The following VEPH1 variants were observed in gnomAD, a reference collection of about 807,000 sequenced individuals.
The protein encoded by VEPH1 is ventricular zone expressed PH domain containing 1, also known as ventricular zone-expressed PH domain-containing protein homolog 1.
A neutral mutation model predicts 85.2 loss-of-function variants in VEPH1; 80 were observed. The observed-to-expected ratio is 0.94, with a 90% CI of 0.78 to 1.13. The LOEUF is 1.13. VEPH1 is among the 50% of genes most tolerant of loss of function. The pLI is 0.00. For missense variants in VEPH1, 955 were observed against 980.5 expected (o/e 0.97, Z 0.35); for synonymous variants, 297 against 348.0 (o/e 0.85, Z 1.63).
intron 11 of VEPH1, among the ~76,000 whole-genome samples, chr3:157,299,037 A>G (rs1267128376): frequency 1.3e-5 from 2 of 152,056 alleles, no homozygotes; most frequent in Non-Finnish European, 2.9e-5. Flanking sequence ...GTGCATGACT[A>G]CTCGCATTTT....
intron 6 of VEPH1, among the ~76,000 whole-genome samples, chr3:157,386,621 C>A (rs1433057088): frequency 2.0e-5 from 3 of 152,194 alleles, no homozygotes; most frequent in African/African-American, 7.2e-5. Flanking sequence ...GGGTAGAGGC[C>A]AAACACCCCA....
chr3:157,308,356 T>C (rs1719741577), intron 11 of VEPH1, among the ~76,000 whole-genome samples: 1 of 151,988 alleles, frequency 6.6e-6, no homozygotes, highest in Non-Finnish European at 1.5e-5. Context: ...AGGGTTTTGA[T>C]ATCATTCTCT....
intron 2 of VEPH1, among the ~76,000 whole-genome samples, chr3:157,487,659 TAAAACTACTTTA>T (rs1478840355): frequency 6.6e-6 from 1 of 152,152 alleles, no homozygotes; most frequent in Non-Finnish European, 1.5e-5. Flanking sequence ...AGCATAGTTC[TAAAACTACTTTA>T]AAAATAGCAA....
chr3:157,371,733 G>A (rs1727510048), intron 7 of VEPH1, among the ~76,000 whole-genome samples: 2 of 152,316 alleles, frequency 1.3e-5, no homozygotes, highest in African/African-American at 4.8e-5. Flanking sequence ...CTGTAGTAAG[G>A]TAAGACTTAA....
Position 157,413,896 on chromosome 3 carries a change from A to G in VEPH1, c.891T>C (p.Val297=), listed in dbSNP as rs1237385056. The part of the protein sequence containing the change: ...TGQMARIYGA[V]GHVDEERARS... ...CCAAACTTACTTCATCCACATGCCC[A>G]ACAGCTCCATAAATCCTTGCCATCT... Residue 297 remains valine, a synonymous_variant, in exon 6 of 14, where the codon GTT becomes GTC. Transcript: ENST00000362010. 6.2e-7 allele frequency: 1 copy of G among 1,613,370 alleles called. No homozygotes were observed. The highest frequency in any genetic ancestry group is 8.5e-7 in the Non-Finnish European group (1 of 1,179,612).
At chr3:157,354,362 C>T (rs1489593836) in intron 9 of VEPH1, among the ~76,000 whole-genome samples, 3 of 152,158 alleles carry the variant, frequency 2.0e-5, no homozygotes, top group Non-Finnish European at 4.4e-5. Context: ...CTGTCTCATC[C>T]ATCCATTGGG....
At chr3:157,369,117 C>A in intron 7 of VEPH1, among the ~76,000 whole-genome samples, 1 of 139,406 alleles carries the variant, frequency 7.2e-6, no homozygotes, top group East Asian at 2.2e-4. Flanking sequence ...TAAACAACAA[C>A]AACCACCACA....
chr3:157,354,523 C>A (rs1725214872), intron 9 of VEPH1, among the ~76,000 whole-genome samples: 1 of 152,068 alleles, frequency 6.6e-6, no homozygotes, highest in Non-Finnish European at 1.5e-5. Flanking sequence ...TTTACTGTTC[C>A]GTCCTTGCTG....
At chr3:157,282,969 A>G (rs1716333110) in intron 12 of VEPH1, among the ~76,000 whole-genome samples, 1 of 152,236 alleles carries the variant, frequency 6.6e-6, no homozygotes, top group South Asian at 2.1e-4. Context: ...TAAAATGATT[A>G]TCAGAAAATG....
intron 2 of VEPH1, among the ~76,000 whole-genome samples, chr3:157,479,392 G>T (rs1241744485): frequency 6.6e-6 from 1 of 152,134 alleles, no homozygotes; most frequent in Non-Finnish European, 1.5e-5. Context: ...GCTGCTCCAG[G>T]CTTGTTTATC....
At chr3:157,406,032 C>T (rs954075977) in intron 6 of VEPH1, among the ~76,000 whole-genome samples, 2 of 152,130 alleles carry the variant, frequency 1.3e-5, no homozygotes, top group Admixed American at 6.6e-5. Flanking sequence ...TTTCCTTATA[C>T]TTTGTAAGAG....
chr3:157,489,357 G>T, intron 2 of VEPH1: 2 of 347,616 alleles, frequency 5.8e-6, no homozygotes, highest in South Asian at 4.5e-5. Context: ...GTACTTAATG[G>T]TCCTTCTGCC....
chr3:157,411,279 T>C (rs1731512842), intron 6 of VEPH1, among the ~76,000 whole-genome samples: 1 of 152,210 alleles, frequency 6.6e-6, no homozygotes, highest in African/African-American at 2.4e-5. Flanking sequence ...GAGAATCAGA[T>C]ATCTGTCTTT....
chr3:157,428,291 T>G, intron 5 of VEPH1, 31 bp downstream of exon 5: 2 of 1,609,418 alleles, frequency 1.2e-6, no homozygotes, highest in Non-Finnish European at 1.7e-6. Flanking sequence ...CCTGGTTGTG[T>G]GCACCATGAC....
intron 5 of VEPH1, among the ~76,000 whole-genome samples, chr3:157,417,334 A>G (rs558388798): frequency 3.3e-5 from 5 of 152,300 alleles, no homozygotes; most frequent in African/African-American, 1.2e-4. Flanking sequence ...CACTAAGAAT[A>G]TAGATTCTGG....
At chr3:157,435,847 C>T (rs558917692) in intron 4 of VEPH1, among the ~76,000 whole-genome samples, 144 of 152,256 alleles carry the variant, frequency 9.5e-4, no homozygotes, top group African/African-American at 3.1e-3. Flanking sequence ...ATCCTTGCCT[C>T]GAAACCTTGT....
chr3:157,442,802 T>G (rs1425958878), intron 4 of VEPH1: 1 of 1,614,224 alleles, frequency 6.2e-7, no homozygotes, highest in South Asian at 1.1e-5. Context: ...GTGGTGGCTT[T>G]GATGAAACAT....
At chr3:157,347,939 C>T (rs1364036521) in intron 9 of VEPH1, among the ~76,000 whole-genome samples, 2 of 152,228 alleles carry the variant, frequency 1.3e-5, no homozygotes, top group African/African-American at 2.4e-5. Flanking sequence ...CCGCTGGGCG[C>T]CACGTTGAGA....
At chr3:157,307,081 C>T (rs1456490612) in intron 11 of VEPH1, among the ~76,000 whole-genome samples, 1 of 151,866 alleles carries the variant, frequency 6.6e-6, no homozygotes, top group Non-Finnish European at 1.5e-5. Context: ...AATACAAAAA[C>T]CTTCTTGTAT....
Sources: gnomAD v4.1 joint callset for allele counts (sites outside exome capture counted in the v4.1 genomes callset) on GRCh38, gnomAD v4.1.1 for gene constraint, MANE v1.5 for transcripts, NCBI Gene and HGNC (gene_info 2026-07-23, HGNC 2026-07-21) for gene names.